COL23A1: variants seen among roughly 807,000 people sequenced by gnomAD.
COL23A1 encodes collagen type XXIII alpha 1 chain, also known as collagen alpha-1(XXIII) chain.
In COL23A1, 97 loss-of-function variants were observed where a neutral mutation model predicts 99.3. The ratio of observed to expected loss-of-function variants is 0.98; its 90% CI spans 0.83 to 1.16. COL23A1 has a LOEUF of 1.16. Among genes scored for constraint, COL23A1 ranks in the 50% most tolerant of loss-of-function variants. The pLI, the probability that COL23A1 is intolerant of heterozygous loss-of-function variation, is 0.00. For missense variants in COL23A1, 762 were observed against 757.4 expected (o/e 1.01, Z -0.07); for synonymous variants, 320 against 308.2 (o/e 1.04, Z -0.40).
rs148349820 is a variant in COL23A1, at chr5:178,255,320, C to T, written c.883-294G>A. 9.8e-5 allele frequency among the ~76,000 whole-genome samples: 15 copies of T among 152,302 alleles called. No individual in the cohort carries two copies. The highest frequency in any genetic ancestry group is 3.1e-4 in the African/African-American group (13 of 41,562). ...AATGGAAAGCCTGATTTTGATGTGACGCTCTTCAGATTTTTCAATGTTGGC... is the reference window on the plus strand; with the variant it reads ...AATGGAAAGCCTGATTTTGATGTGATGCTCTTCAGATTTTTCAATGTTGGC... On this transcript the variant is annotated intron_variant, in intron 15 of 28. Transcript: ENST00000390654. The surrounding 1 kb of genome is among the most constrained non-coding windows in gnomAD (Gnocchi z 4.2).
chr5:178,479,717 A>G (rs978028672), intron 2 of COL23A1, among the ~76,000 whole-genome samples: 3 of 152,270 alleles, frequency 2.0e-5, no homozygotes, highest in Admixed American at 6.5e-5. Flanking sequence ...CAGGAAGGAA[A>G]AAAAAGCCCT....
intron 2 of COL23A1, among the ~76,000 whole-genome samples, chr5:178,326,319 A>T (rs1409870702): frequency 6.6e-6 from 1 of 152,094 alleles, no homozygotes; most frequent in African/African-American, 2.4e-5. Context: ...CACAGCTCTG[A>T]CTGAAGCACT....
At chr5:178,436,138 T>C (rs1197941685) in intron 2 of COL23A1, among the ~76,000 whole-genome samples, 3 of 150,896 alleles carry the variant, frequency 2.0e-5, no homozygotes, top group Admixed American at 2.0e-4. Flanking sequence ...GAGAGGGAGG[T>C]CAACATGAGC....
chr5:178,333,090 T>C (rs758587202), intron 2 of COL23A1, among the ~76,000 whole-genome samples: 10 of 152,102 alleles, frequency 6.6e-5, no homozygotes, highest in Non-Finnish European at 5.9e-5. Context: ...CCAGAGTAGC[T>C]GGGACTACAG....
chr5:178,311,080 T>TA (rs1309320515), intron 2 of COL23A1, among the ~76,000 whole-genome samples: 3 of 151,972 alleles, frequency 2.0e-5, no homozygotes, highest in Non-Finnish European at 4.4e-5. Flanking sequence ...TCCCCCACTC[T>TA]GCATGGGACC....
chr5:178,238,507 C>T lies in COL23A1; in HGVS notation c.*191G>A. The T allele has an allele frequency of 4.4e-6, 3 of 684,012 alleles. No homozygotes were observed. The highest frequency in any genetic ancestry group is 3.8e-5 in the South Asian group (2 of 52,040). 42.4% of individuals were successfully genotyped at this position (684,012 alleles called of 1,614,324 possible). A position where few individuals can be genotyped will look rare whatever the true frequency, so the allele number is the denominator to read the frequency against. On this transcript the variant is annotated 3_prime_UTR_variant, in exon 29 of 29. Transcript: ENST00000390654. ...GGGTGCCCCTCAGGTACACATCTCC[C>T]TGGTCTGGCCTGTCCACTTTCCGGC...
intron 5 of COL23A1, among the ~76,000 whole-genome samples, chr5:178,279,328 C>T (rs1345687305): frequency 6.6e-6 from 1 of 152,232 alleles, no homozygotes; most frequent in Non-Finnish European, 1.5e-5. Flanking sequence ...ACCTCTCCTC[C>T]CACAGTGACC....
intron 2 of COL23A1, among the ~76,000 whole-genome samples, chr5:178,410,275 T>A (rs534645992): frequency 6.6e-6 from 1 of 152,232 alleles, no homozygotes; most frequent in African/African-American, 2.4e-5. Flanking sequence ...ATACTTAATA[T>A]TGTTAAGATG....
intron 2 of COL23A1, among the ~76,000 whole-genome samples, chr5:178,487,423 G>A (rs540584104): frequency 3.3e-5 from 5 of 151,996 alleles, no homozygotes; most frequent in Non-Finnish European, 5.9e-5. Flanking sequence ...GGGTTCAAGC[G>A]ATTCTCCTGC....
At chr5:178,254,443 A>G (rs1047651929) in intron 16 of COL23A1, among the ~76,000 whole-genome samples, 2 of 151,982 alleles carry the variant, frequency 1.3e-5, no homozygotes, top group African/African-American at 2.4e-5. Flanking sequence ...TTCCTCACCC[A>G]CTTTCCTTCT....
chr5:178,256,550 C>T (rs1334210129), intron 14 of COL23A1, among the ~76,000 whole-genome samples, 153 bp from the exon 15 acceptor site: 1 of 152,236 alleles, frequency 6.6e-6, no homozygotes, highest in Admixed American at 6.5e-5. Context: ...ACTCCAGGAA[C>T]GGGGCTCCTC....
chr5:178,263,285 GC>G lies in COL23A1; in HGVS notation c.561del (p.Pro189LeufsTer120). The stretch of plus-strand genomic sequence containing the variant: ...CCCCGGGCCCCAGGAGGTCCAGGGG[GC>G]CCCGGAGGCCCAGCAGCTCCATCTT... ...QGQDGAAGPP[G>X]PPGPPGARGP... is the part of the protein sequence containing the mutation. On this transcript the variant is annotated frameshift_variant, in exon 9 of 29. Transcript: ENST00000390654. LOFTEE classifies it high-confidence loss of function. 1.2e-6 allele frequency: 2 copies of G among 1,608,870 alleles called. No homozygotes were observed. Among genetic ancestry groups the G allele is most frequent in the South Asian group, 1.1e-5 (1 of 90,746 alleles).
At chr5:178,372,009 C>T (rs1041651849) in intron 2 of COL23A1, among the ~76,000 whole-genome samples, 1 of 152,238 alleles carries the variant, frequency 6.6e-6, no homozygotes, top group African/African-American at 2.4e-5. Context: ...AGAGGCTGCA[C>T]AGTGACAGCC....
chr5:178,385,647 C>T (rs1015350292), intron 2 of COL23A1, among the ~76,000 whole-genome samples: 10 of 152,198 alleles, frequency 6.6e-5, no homozygotes, highest in African/African-American at 9.7e-5. Context: ...TGGTGACTGG[C>T]TGTCTGAGGA....
intron 2 of COL23A1, among the ~76,000 whole-genome samples, chr5:178,539,449 A>G (rs1441086305): frequency 6.0e-5 from 9 of 150,572 alleles, no homozygotes; most frequent in Non-Finnish European, 1.3e-4. Flanking sequence ...GAGAGGCTGA[A>G]GCAGGAGAAT....
At chr5:178,294,658 C>A (rs1001080158) in intron 3 of COL23A1, among the ~76,000 whole-genome samples, 13 of 152,184 alleles carry the variant, frequency 8.5e-5, no homozygotes, top group African/African-American at 3.1e-4. Context: ...CCAAAAGGAT[C>A]AATGATTTTA....
At chr5:178,426,164 A>C (rs1042719426) in intron 2 of COL23A1, among the ~76,000 whole-genome samples, 1 of 152,238 alleles carries the variant, frequency 6.6e-6, no homozygotes, top group Non-Finnish European at 1.5e-5. Flanking sequence ...ATTATTTCAT[A>C]AACAAAGATC....
At chr5:178,246,202 A>C in intron 24 of COL23A1, 52 bp downstream of exon 24, 1 of 1,544,412 alleles carries the variant, frequency 6.5e-7, no homozygotes, top group Non-Finnish European at 8.8e-7. Context: ...GCTGAGCGCC[A>C]CCATGACCAG....
intron 2 of COL23A1, among the ~76,000 whole-genome samples, chr5:178,557,038 C>T (rs1762313658): frequency 6.6e-6 from 1 of 152,192 alleles, no homozygotes; most frequent in Non-Finnish European, 1.5e-5. Flanking sequence ...ACCACAAGCC[C>T]TCCCAGTTCT....
Sources: gnomAD v4.1 joint callset for allele counts (sites outside exome capture counted in the v4.1 genomes callset) on GRCh38, gnomAD v4.1.1 for gene constraint, Gnocchi (gnomAD v3.1) non-coding constraint, MANE v1.5 for transcripts, NCBI Gene and HGNC (gene_info 2026-07-23, HGNC 2026-07-21) for gene names.